Variants in PCLO observed in about 807,000 individuals in gnomAD.
PCLO encodes the protein piccolo presynaptic cytomatrix protein.
Under a neutral mutation model 427.5 loss-of-function variants are expected in PCLO, and 82 were observed. The observed-to-expected ratio is 0.19, with a 90% confidence interval of 0.16 to 0.23. The LOEUF (loss-of-function observed/expected upper bound fraction) is 0.23, where lower values mean the gene tolerates loss of function less well. PCLO is among the 10% of genes least tolerant of loss of function. The pLI, the probability that PCLO is intolerant of heterozygous loss-of-function variation, is 1.00. For missense variants in PCLO, 6,239 were observed against 6,115.9 expected, an observed-to-expected ratio of 1.02 and a Z score of -0.67; for synonymous variants, 2,357 against 2,155.4, an observed-to-expected ratio of 1.09 and a Z score of -2.59.
chr7:82,951,354 C>T lies in PCLO; in HGVS notation c.9234G>A (p.Val3078=). The change falls in exon 6 of 25, where the codon GTG becomes GTA. Residue 3078 remains valine, a synonymous_variant. Coordinates refer to ENST00000333891, the MANE Select transcript of PCLO (RefSeq NM_033026.6). ...MTPPPGPQYC[V]GSVLRSSNGV... ...CATTAGATGACCTCAAAACACTCCC[C>T]ACACAATACTGGGGTCCTGGTGGTG... 1 of 1,607,910 alleles carries T rather than the reference C, an allele frequency of 6.2e-7. No individual in the cohort carries two copies. Among genetic ancestry groups the T allele is most frequent in the Non-Finnish European group, 8.5e-7 (1 of 1,176,968 alleles).
chr7:82,766,208 T>C (rs116957225), intron 22 of PCLO, among the ~76,000 whole-genome samples: 2,337 of 152,160 alleles, frequency 0.015, 32 homozygotes, highest in Non-Finnish European at 0.024. Context: ...CCTTGGCTTA[T>C]CACTATGAAG....
At chr7:83,001,102 A>C (rs140057589) in intron 3 of PCLO, among the ~76,000 whole-genome samples, 1 of 152,166 alleles carries the variant, frequency 6.6e-6, no homozygotes, top group African/African-American at 2.4e-5. Context: ...GGGTTTTGAT[A>C]CTTGTTTGTT....
intron 18 of PCLO, among the ~76,000 whole-genome samples, chr7:82,826,128 A>C (rs1002059570): frequency 6.6e-6 from 1 of 151,632 alleles, no homozygotes; most frequent in Non-Finnish European, 1.5e-5. Flanking sequence ...TAATGTAAAA[A>C]TTGTTTTTAT....
At chr7:82,978,856 A>AC (rs1562896065) in intron 3 of PCLO, among the ~76,000 whole-genome samples, 1,072 of 93,454 alleles carry the variant, frequency 0.011, 3 homozygotes, top group Non-Finnish European at 0.016. Context: ...ACACACACAC[A>AC]AACACACACA....
At chr7:83,000,060 A>C (rs555892846) in intron 3 of PCLO, among the ~76,000 whole-genome samples, 13 of 150,182 alleles carry the variant, frequency 8.7e-5, no homozygotes, top group African/African-American at 1.5e-4. Flanking sequence ...AACAAACAAA[A>C]AAAAAACCAC....
intron 3 of PCLO, among the ~76,000 whole-genome samples, chr7:83,054,348 C>A (rs867915948): frequency 3.9e-5 from 6 of 152,120 alleles, no homozygotes; most frequent in African/African-American, 1.4e-4. Context: ...CCAACCAGCC[C>A]TGAAAGATAA....
At chr7:82,763,938 C>T (rs1790480885) in intron 22 of PCLO, among the ~76,000 whole-genome samples, 1 of 151,908 alleles carries the variant, frequency 6.6e-6, no homozygotes, top group Admixed American at 6.6e-5. Flanking sequence ...GAATACTTCA[C>T]AAAGTTTGAC....
At chr7:82,860,495 T>G (rs1792925131) in intron 10 of PCLO, among the ~76,000 whole-genome samples, 1 of 151,876 alleles carries the variant, frequency 6.6e-6, no homozygotes. Context: ...AATAAATACT[T>G]AACCCAGACA....
intron 8 of PCLO, among the ~76,000 whole-genome samples, chr7:82,906,598 A>G (rs1432644311): frequency 1.3e-5 from 2 of 152,046 alleles, no homozygotes; most frequent in East Asian, 3.9e-4. Flanking sequence ...ATAAAGAAAA[A>G]CAAATTATTG....
At chr7:82,774,109 A>G (rs1176822910) in intron 22 of PCLO, among the ~76,000 whole-genome samples, 1 of 152,094 alleles carries the variant, frequency 6.6e-6, no homozygotes, top group Non-Finnish European at 1.5e-5. Flanking sequence ...TGCTTGCTTC[A>G]TCTTCCCTAG....
chr7:82,779,155 T>C (rs1192613146), intron 22 of PCLO, among the ~76,000 whole-genome samples: 2 of 152,158 alleles, frequency 1.3e-5, no homozygotes, highest in African/African-American at 4.8e-5. Flanking sequence ...TTTTGTTAGA[T>C]ATATTTCCTG....
At chr7:82,920,820 T>C (rs1010677544) in intron 6 of PCLO, among the ~76,000 whole-genome samples, 1 of 151,800 alleles carries the variant, frequency 6.6e-6, no homozygotes, top group East Asian at 1.9e-4. Flanking sequence ...CAGAATTCTC[T>C]GAGCTCAACA....
At chr7:82,772,586 C>T (rs1473001384) in intron 22 of PCLO, among the ~76,000 whole-genome samples, 7 of 152,050 alleles carry the variant, frequency 4.6e-5, no homozygotes, top group Non-Finnish European at 1.0e-4. Flanking sequence ...GCATTCTGGC[C>T]TAATAAGATT....
At position 82,915,016 on chromosome 7, in the gene PCLO, G is replaced by A. The variant is rs201895076; in HGVS notation, c.12970C>T (p.Leu4324=). 1 of 1,613,580 alleles carries A rather than the reference G, an allele frequency of 6.2e-7. No homozygotes were observed. Among genetic ancestry groups the A allele is most frequent in the East Asian group, 2.2e-5 (1 of 44,784 alleles). ...GATGCATGACTAAAGGAAACATCTA[G>A]AGCTTCAGCCTCTTGAGCTTTCAGT... ...LRLKAQEAEA[L]DVSFSHASSS... Residue 4324 remains leucine (L), a synonymous_variant, in exon 7 of 25, where the codon CTA becomes TTA. Transcript: ENST00000333891.
At position 82,952,972 on chromosome 7, in the gene PCLO, C is replaced by T; in HGVS notation, c.7981G>A (p.Ala2661Thr). ...AACTGTGTAACTGATGTGGGAGCTG[C>T]TTGAAATGAAGAGGGTGCTGTGACA... ...TPVTAPSSFQ[A>T]APTSVTQFLT... The change falls in exon 5 of 25, where the codon GCA becomes ACA. Residue 2661 changes from alanine to threonine, a missense_variant. By Grantham distance (58) the Ala-to-Thr change is moderately conservative. Coordinates refer to ENST00000333891, the MANE Select transcript of PCLO (RefSeq NM_033026.6). 2 of 1,613,864 alleles carry T rather than the reference C, an allele frequency of 1.2e-6. No individual in the cohort carries two copies. Among genetic ancestry groups the T allele is most frequent in the Non-Finnish European group, 1.7e-6 (2 of 1,179,844 alleles).
At position 82,847,233 on chromosome 7, in the gene PCLO, C is replaced by T; in HGVS notation, c.13669G>A (p.Glu4557Lys). 1 of 1,582,076 alleles carries T rather than the reference C, an allele frequency of 6.3e-7. No homozygotes were observed. The highest frequency in any genetic ancestry group is 8.6e-7 in the Non-Finnish European group (1 of 1,159,382). Residue 4557 changes from glutamate (E) to lysine (K), a missense_variant, in exon 11 of 25, where the codon GAA (glutamate) becomes AAA (lysine). Coordinates refer to ENST00000333891, the MANE Select transcript of PCLO (RefSeq NM_033026.6). ...GKLMEGMQVLEWNGIPLTSKT... is the reference protein window; with the variant it reads ...GKLMEGMQVLKWNGIPLTSKT... ...GAAGTCAAGGGAATTCCATTCCATT[C>T]CAATACTTGCATCCCTAGAAAGACA...
At chr7:83,162,216 C>G (rs1327845036) in intron 1 of PCLO, 129 bp downstream of exon 1, 4 of 1,100,722 alleles carry the variant, frequency 3.6e-6, no homozygotes, top group Non-Finnish European at 5.1e-6. Context: ...CTATGGCCAC[C>G]CCACTGGGGA....
chr7:82,836,011 C>T (rs1173824314), intron 15 of PCLO, among the ~76,000 whole-genome samples: 1 of 152,014 alleles, frequency 6.6e-6, no homozygotes, highest in Non-Finnish European at 1.5e-5. Context: ...TTTTATTTGA[C>T]AAATTGCATG....
intron 9 of PCLO, among the ~76,000 whole-genome samples, chr7:82,883,258 C>T (rs1194231273): frequency 1.3e-5 from 2 of 151,970 alleles, no homozygotes; most frequent in Non-Finnish European, 2.9e-5. Context: ...ATAGAAAAGT[C>T]CCCAAAGGAT....
Sources: gnomAD v4.1 joint callset for allele counts (sites outside exome capture counted in the v4.1 genomes callset) on GRCh38, gnomAD v4.1.1 for gene constraint, MANE v1.5 for transcripts, NCBI Gene and HGNC (gene_info 2026-07-23, HGNC 2026-07-21) for gene names.